Variants in OXR1 observed in about 807,000 individuals in gnomAD.
The protein encoded by OXR1 is oxidation resistance 1, also known as oxidation resistance protein 1.
A neutral mutation model predicts 104.6 loss-of-function variants in OXR1; 41 were observed. The observed-to-expected ratio is 0.39, with a 90% CI of 0.31 to 0.51. The LOEUF (loss-of-function observed/expected upper bound fraction) is 0.51. OXR1 is among the 20% of genes least tolerant of loss of function. OXR1 has a pLI of 0.77. For missense variants in OXR1, 955 were observed against 1,031.9 expected, an observed-to-expected ratio of 0.93 and a Z score of 1.02; for synonymous variants, 348 against 348.4, an observed-to-expected ratio of 1.00 and a Z score of 0.01.
At chr8:106,542,078 T>C (rs2130334156) in intron 3 of OXR1, among the ~76,000 whole-genome samples, 1 of 152,302 alleles carries the variant, frequency 6.6e-6, no homozygotes, top group South Asian at 2.1e-4. Context: ...ACAAAAGCTG[T>C]GCTCCATGTC....
intron 3 of OXR1, among the ~76,000 whole-genome samples, chr8:106,622,116 G>T (rs1475297434): frequency 6.6e-6 from 1 of 152,016 alleles, no homozygotes; most frequent in African/African-American, 2.4e-5. Flanking sequence ...AGAAACATTG[G>T]TGTAATTCTA....
chr8:106,436,307 G>A (rs1819564507), intron 2 of OXR1, among the ~76,000 whole-genome samples: 1 of 152,002 alleles, frequency 6.6e-6, no homozygotes. Context: ...AAGAAGTTAT[G>A]TAATCTCATT....
chr8:106,359,687 C>A (rs1249135467), intron 2 of OXR1, 51 bp downstream of exon 2: 35 of 1,365,926 alleles, frequency 2.6e-5, no homozygotes, highest in Non-Finnish European at 3.6e-5. Flanking sequence ...ATATCATGAG[C>A]AGTATTTTCT....
chr8:106,592,656 G>A (rs1026635524), intron 3 of OXR1, among the ~76,000 whole-genome samples: 1 of 152,120 alleles, frequency 6.6e-6, no homozygotes. Context: ...GGTATAGCAA[G>A]GTATAGGGAA....
chr8:106,698,015 C>A, intron 7 of OXR1: 1 of 1,610,002 alleles, frequency 6.2e-7, no homozygotes, highest in Non-Finnish European at 8.5e-7. Flanking sequence ...GTTGGCCATT[C>A]CAATGGGTGG....
At chr8:106,439,102 C>G (rs746777934) in intron 2 of OXR1, among the ~76,000 whole-genome samples, 1 of 151,800 alleles carries the variant, frequency 6.6e-6, no homozygotes, top group Admixed American at 6.6e-5. Flanking sequence ...TTTGTTACTG[C>G]TATGGACCGA....
chr8:106,741,009 A>G (rs1373359306), intron 14 of OXR1, among the ~76,000 whole-genome samples: 1 of 152,152 alleles, frequency 6.6e-6, no homozygotes, highest in Non-Finnish European at 1.5e-5. Flanking sequence ...CACTGGTATT[A>G]CTAACACTTT....
At chr8:106,600,460 C>CAT (rs1188401321) in intron 3 of OXR1, among the ~76,000 whole-genome samples, 1 of 152,122 alleles carries the variant, frequency 6.6e-6, no homozygotes, top group African/African-American at 2.4e-5. Context: ...TGAGCAATTC[C>CAT]AGTTGCAAGA....
rs568187458 is a variant in OXR1 at position 106,281,422 on chromosome 8, C to T, written c.-139+11055C>T. ...AATTTTATAGACCTCACCACTGTAC[C>T]GGTGATCACTGAGGATAACCACTGG... is the stretch of plus-strand genomic sequence containing the variant. On this transcript the variant is annotated intron_variant, in intron 1 of 16. Coordinates refer to ENST00000517566, the MANE Select transcript of OXR1 (RefSeq NM_001198533.2). Among the ~76,000 whole-genome samples, 13 of 152,230 alleles carry T rather than the reference C, an allele frequency of 8.5e-5. No individual in the cohort carries two copies. The East Asian group carries it at 9.7e-4, about 11-fold the overall frequency.
intron 2 of OXR1, among the ~76,000 whole-genome samples, chr8:106,391,292 A>T (rs916129137): frequency 1.3e-5 from 2 of 152,234 alleles, no homozygotes; most frequent in Admixed American, 6.5e-5. Context: ...AAATACTTTA[A>T]CATTTTGCTG....
chr8:106,647,429 A>C (rs1824175806), intron 3 of OXR1, among the ~76,000 whole-genome samples: 1 of 152,356 alleles, frequency 6.6e-6, no homozygotes, highest in South Asian at 2.1e-4. Flanking sequence ...CACAGGTGGC[A>C]GTCTCACATA....
At chr8:106,573,046 G>A (rs1160204892) in intron 3 of OXR1, among the ~76,000 whole-genome samples, 1 of 151,996 alleles carries the variant, frequency 6.6e-6, no homozygotes, top group African/African-American at 2.4e-5. Flanking sequence ...AAGAAAACTG[G>A]GTGTTTCAGT....
chr8:106,488,720 G>C lies in OXR1; in HGVS notation c.24-30223G>C, dbSNP rs547749739. On this transcript the variant is annotated intron_variant, in intron 2 of 16. Transcript: ENST00000517566. ...GCTTGTTTTTCTCAGGTTTGTCAAA[G>C]ATCAGATAGTTGTAGTTATGTGGCA... Among the ~76,000 whole-genome samples, 1,351 of 142,218 alleles carry C rather than the reference G, an allele frequency of 9.5e-3. 11 individuals carry two copies. The highest frequency in any genetic ancestry group is 0.022 in the South Asian group (95 of 4,296). The allele number at this position is 142,218 out of a possible 152,430, so 93.3% of individuals were successfully genotyped here. A position where few individuals can be genotyped will look rare whatever the true frequency, so the allele number is the denominator to read the frequency against.
chr8:106,668,882 A>G (rs1175667368), intron 3 of OXR1, among the ~76,000 whole-genome samples: 1 of 152,130 alleles, frequency 6.6e-6, no homozygotes, highest in Admixed American at 6.6e-5. Flanking sequence ...TGTCTCTCAA[A>G]TGTGTTGTGC....
At chr8:106,327,102 A>G (rs989755325) in intron 1 of OXR1, among the ~76,000 whole-genome samples, 1 of 152,094 alleles carries the variant, frequency 6.6e-6, no homozygotes, top group African/African-American at 2.4e-5. Context: ...TGTTTTCTAT[A>G]TTTGACCATC....
intron 2 of OXR1, among the ~76,000 whole-genome samples, chr8:106,417,542 T>C (rs560375833): frequency 1.3e-5 from 2 of 152,274 alleles, no homozygotes; most frequent in African/African-American, 4.8e-5. Flanking sequence ...AAACATGTCC[T>C]TGAGGCCAAT....
At position 106,679,309 on chromosome 8, in the gene OXR1, C is replaced by A. The variant is rs374164784; in HGVS notation, c.303+17C>A. The A allele has an allele frequency of 3.6e-6, 5 of 1,370,486 alleles. No individual in the cohort carries two copies. Among genetic ancestry groups the A allele is most frequent in the Non-Finnish European group, 5.1e-6 (5 of 985,016 alleles). The allele number at this position is 1,370,486 out of a possible 1,614,324, so 84.9% of individuals were successfully genotyped here. A position where few individuals can be genotyped will look rare whatever the true frequency, so the allele number is the denominator to read the frequency against. ...GAGTATACTGTAAGTTATTTGCTTTCGAAAAAGCTATTTTTCTTTGTAAGA... is the reference window on the plus strand; with the variant it reads ...GAGTATACTGTAAGTTATTTGCTTTAGAAAAAGCTATTTTTCTTTGTAAGA... On this transcript the variant is annotated intron_variant, in intron 4 of 16. Transcript: ENST00000517566.
At chr8:106,410,661 A>G (rs1818423048) in intron 2 of OXR1, among the ~76,000 whole-genome samples, 1 of 152,186 alleles carries the variant, frequency 6.6e-6, no homozygotes, top group Non-Finnish European at 1.5e-5. Context: ...AAAACCTAAG[A>G]TGTAGCTAAG....
At chr8:106,595,416 C>T (rs536455912) in intron 3 of OXR1, among the ~76,000 whole-genome samples, 3 of 151,614 alleles carry the variant, frequency 2.0e-5, no homozygotes, top group Non-Finnish European at 4.4e-5. Flanking sequence ...CAGGCATGGT[C>T]GTGGGCGCTT....
Sources: gnomAD v4.1 joint callset for allele counts (sites outside exome capture counted in the v4.1 genomes callset) on GRCh38, gnomAD v4.1.1 for gene constraint, MANE v1.5 for transcripts, NCBI Gene and HGNC (gene_info 2026-07-23, HGNC 2026-07-21) for gene names.